TAFA3: variants seen among roughly 807,000 people sequenced by gnomAD.
TAFA3 encodes the protein TAFA chemokine like family member 3.
TAFA3 carries 17 observed loss-of-function variants against 20.7 expected under a neutral mutation model. That is an observed-to-expected ratio of 0.82 (90% CI 0.56 to 1.23). The LOEUF is 1.23. TAFA3 is among the 50% of genes most tolerant of loss of function. The probability of loss-of-function intolerance (pLI) is 0.00; values close to 1 mark genes in which losing one functional copy is unlikely to be tolerated. For synonymous variants in TAFA3, 74 were observed against 71.8 expected (o/e 1.03, Z -0.16); for missense variants, 174 against 172.8 (o/e 1.01, Z -0.04).
intron 5 of TAFA3, among the ~76,000 whole-genome samples, chr1:112,724,824 A>AAAAAAAAAAAAAAAAAAAAAAAC: frequency 6.9e-6 from 1 of 143,896 alleles, no homozygotes; most frequent in Non-Finnish European, 1.5e-5. Flanking sequence ...AGCAAAAAAA[A>AAAAAAAAAAAAAAAAAAAAAAAC]AAAAAAAAAA....
At chr1:112,723,295 G>A (rs1343768900) in intron 4 of TAFA3, 130 bp downstream of exon 4, 30 of 1,285,544 alleles carry the variant, frequency 2.3e-5, no homozygotes, top group Non-Finnish European at 2.7e-5. Context: ...CTCAAATGGT[G>A]GGGCCCCCTC....
chr1:112,719,329 T>C (rs1675275288), intron 1 of TAFA3, among the ~76,000 whole-genome samples, 30 bp downstream of exon 1: 2 of 151,980 alleles, frequency 1.3e-5, no homozygotes, highest in South Asian at 4.2e-4. Context: ...GCTCAGAATG[T>C]GGAGGAATGA....
At chr1:112,723,848 G>A in intron 4 of TAFA3, 165 bp from the exon 5 acceptor site, 1 of 1,390,856 alleles carries the variant, frequency 7.2e-7, no homozygotes, top group Non-Finnish European at 1.0e-6. Context: ...GCCTCAGGCT[G>A]AGTACTGCCT....
intron 5 of TAFA3, among the ~76,000 whole-genome samples, chr1:112,724,357 T>A (rs1260644705): frequency 6.6e-6 from 1 of 151,916 alleles, no homozygotes; most frequent in Non-Finnish European, 1.5e-5. Flanking sequence ...ATTCTTGATG[T>A]CCATATACGC....
chr1:112,723,683 C>T (rs1675387745), intron 4 of TAFA3, among the ~76,000 whole-genome samples: 1 of 152,168 alleles, frequency 6.6e-6, no homozygotes, highest in Admixed American at 6.5e-5. Context: ...AGACGACTCA[C>T]ACCCTTGCTC....
intron 5 of TAFA3, among the ~76,000 whole-genome samples, chr1:112,725,601 T>A (rs1437142505): frequency 6.6e-6 from 1 of 151,320 alleles, no homozygotes; most frequent in Non-Finnish European, 1.5e-5. Context: ...GATTTCTCTG[T>A]CCACTGTCAC....
rs912276778 is a variant in TAFA3 at position 112,722,466 on chromosome 1, T to G, written c.115+118T>G. The G allele has an allele frequency of 2.1e-5, 17 of 814,172 alleles. No homozygotes were observed. The African/African-American group carries it at 2.6e-4, about 12-fold the overall frequency. 50.4% of individuals were successfully genotyped at this position (814,172 alleles called of 1,614,324 possible). On this transcript the variant is annotated intron_variant, in intron 3 of 5. Transcript: ENST00000361886. ...TCCCAGGCAGAGTAAAATCCAGAGATTCTAGGGGTTCCGGCTCCTCCTCTG... is the reference window on the plus strand; with the variant it reads ...TCCCAGGCAGAGTAAAATCCAGAGAGTCTAGGGGTTCCGGCTCCTCCTCTG...
chr1:112,722,399 G>A, intron 3 of TAFA3, 51 bp downstream of exon 3: 3 of 1,495,110 alleles, frequency 2.0e-6, no homozygotes, highest in Non-Finnish European at 2.8e-6. Flanking sequence ...GGACACCTGG[G>A]GAGCTGGACA....
At chr1:112,720,233 C>T (rs1675297444) in intron 1 of TAFA3, among the ~76,000 whole-genome samples, 1 of 151,324 alleles carries the variant, frequency 6.6e-6, no homozygotes, top group Non-Finnish European at 1.5e-5. Context: ...CTGCTCCTTC[C>T]TTGACCCTCA....
Position 112,722,295 on chromosome 1 carries a change from C to T in TAFA3, c.62C>T (p.Ala21Val). Residue 21 changes from alanine to valine, a missense_variant, in exon 3 of 6, where the codon GCC (alanine) becomes GTC (valine). Transcript: ENST00000361886. ...GGCTGGCTGCTGGCACTGTGCCTGG[C>T]CTGGCTGTGGACCCACCTGACCTTG... ...TGGWLLALCL[A>V]WLWTHLTLAA... 1 of 1,614,056 alleles carries T rather than the reference C, an allele frequency of 6.2e-7. No homozygotes were observed. Among genetic ancestry groups the T allele is most frequent in the South Asian group, 1.1e-5 (1 of 91,072 alleles).
At chr1:112,723,235 A>G in intron 4 of TAFA3, 70 bp downstream of exon 4, 1 of 1,525,704 alleles carries the variant, frequency 6.6e-7, no homozygotes. Context: ...AGGCCTCGCC[A>G]TCTGCTGGGG....
In TAFA3 at chr1:112,719,236, T is replaced by TG. The variant is rs1675273645; in HGVS notation, c.-121dup. On this transcript the variant is annotated 5_prime_UTR_variant, in exon 1 of 6. Coordinates refer to ENST00000361886, the MANE Select transcript of TAFA3 (RefSeq NM_182759.3). ...GTCTGTCTTTCGGAGTGCTGGTCCC[T>TG]GGCTCAGTGGCAAGGAAGACTTCAG... 6.6e-6 allele frequency among the ~76,000 whole-genome samples: 1 copy of TG among 152,324 alleles called. No homozygotes were observed. The highest frequency in any genetic ancestry group is 2.1e-4 in the South Asian group (1 of 4,828).
In TAFA3 at chr1:112,719,029, C is replaced by T. The variant is rs897772856; in HGVS notation, c.-330C>T. ...CTGCCGGCAGGAACCTTGGAAAAAA[C>T]CCGGCTGAGTTCTGCAGAGCTGGCG... On this transcript the variant is annotated 5_prime_UTR_variant, in exon 1 of 6. Transcript: ENST00000361886. 1.3e-5 allele frequency among the ~76,000 whole-genome samples: 2 copies of T among 152,326 alleles called. No individual in the cohort carries two copies. The highest frequency in any genetic ancestry group is 3.9e-4 in the East Asian group (2 of 5,170).
In TAFA3 at chr1:112,721,400, T is replaced by C. The variant is rs549966253; in HGVS notation, c.-2+766T>C. On this transcript the variant is annotated intron_variant, in intron 2 of 5. Transcript: ENST00000361886. The stretch of plus-strand genomic sequence containing the variant: ...GTGCAGTAGCACAGTCATAGATCAC[T>C]GCAGCCTCAAACTCCTGATCCTCTC... Among the ~76,000 whole-genome samples the C allele has an allele frequency of 1.1e-3, 161 of 152,356 alleles. 1 individual carries two copies. In the South Asian group the frequency reaches 0.019, roughly 18 times the overall value.
chr1:112,726,725 G>A lies in TAFA3; in HGVS notation c.*85G>A. 3.1e-6 allele frequency: 5 copies of A among 1,605,564 alleles called. No homozygotes were observed. The highest frequency in any genetic ancestry group is 4.3e-6 in the Non-Finnish European group (5 of 1,172,512). On this transcript the variant is annotated 3_prime_UTR_variant, in exon 6 of 6. Transcript: ENST00000361886. The stretch of plus-strand genomic sequence containing the variant: ...TATCCAGTCATCAGCCAGGAAAGAT[G>A]GGGATTCACTTACATGCCTCATGTC...
At chr1:112,726,174 G>C (rs148142664) in intron 5 of TAFA3, among the ~76,000 whole-genome samples, 1 of 152,146 alleles carries the variant, frequency 6.6e-6, no homozygotes, top group East Asian at 1.9e-4. Flanking sequence ...GAGAAGGAAA[G>C]GCAGCCTTTG....
chr1:112,723,297 G>A, intron 4 of TAFA3, 132 bp downstream of exon 4: 1 of 1,255,570 alleles, frequency 8.0e-7, no homozygotes. Flanking sequence ...CAAATGGTGG[G>A]GCCCCCTCTG....
chr1:112,722,265 C>CT lies in TAFA3; in HGVS notation c.32_33insT (p.Gly13ArgfsTer98). The CT allele has an allele frequency of 6.2e-7, 1 of 1,614,122 alleles. No individual in the cohort carries two copies. The highest frequency in any genetic ancestry group is 8.5e-7 in the Non-Finnish European group (1 of 1,180,010). On this transcript the variant is annotated frameshift_variant, in exon 3 of 6. Coordinates refer to ENST00000361886, the MANE Select transcript of TAFA3 (RefSeq NM_182759.3). LOFTEE classifies it high-confidence loss of function. The stretch of plus-strand genomic sequence containing the variant: ...GAGAGGGTCGAGCGGAACTGGAGCA[C>CT]GGGCGGCTGGCTGCTGGCACTGTGC...
intron 2 of TAFA3, among the ~76,000 whole-genome samples, chr1:112,721,429 T>G (rs1675325985): frequency 6.6e-6 from 1 of 152,188 alleles, no homozygotes; most frequent in Non-Finnish European, 1.5e-5. Context: ...TCCTCTCACC[T>G]CAGCCTCTGG....
Sources: allele counts gnomAD v4.1 joint callset (sites outside exome capture counted in the v4.1 genomes callset), GRCh38; gene constraint gnomAD v4.1.1; transcripts MANE v1.5; gene names NCBI Gene and HGNC (gene_info 2026-07-23, HGNC 2026-07-21).